Variants in LRBA observed in about 807,000 individuals in gnomAD.
LRBA encodes the protein LPS responsive beige-like anchor protein, also known as lipopolysaccharide-responsive and beige-like anchor protein.
Under a neutral mutation model 330.0 loss-of-function variants are expected in LRBA, and 176 were observed. The observed-to-expected ratio is 0.53, with a 90% CI of 0.47 to 0.60. The LOEUF (loss-of-function observed/expected upper bound fraction) is 0.60, where lower values mean the gene tolerates loss of function less well. LRBA is among the 20% of genes least tolerant of loss of function. The probability of loss-of-function intolerance (pLI) is 0.00; values close to 1 mark genes in which losing one functional copy is unlikely to be tolerated. For missense variants in LRBA, 3,259 were observed against 3,444.8 expected (o/e 0.95, Z 1.35); for synonymous variants, 1,230 against 1,193.0 (o/e 1.03, Z -0.64).
chr4:150,854,181 C>T (rs2126929635), intron 22 of LRBA, among the ~76,000 whole-genome samples: 1 of 152,222 alleles, frequency 6.6e-6, no homozygotes, highest in South Asian at 2.1e-4. Flanking sequence ...TAAAAATGTT[C>T]AGGGAATGAA....
intron 56 of LRBA, among the ~76,000 whole-genome samples, chr4:150,268,021 T>C (rs548465471): frequency 3.3e-5 from 5 of 149,626 alleles, no homozygotes; most frequent in Admixed American, 6.8e-5. Flanking sequence ...GATTGCACCA[T>C]TGCACTCCAG....
intron 22 of LRBA, among the ~76,000 whole-genome samples, chr4:150,864,495 C>T (rs1279959462): frequency 6.6e-6 from 1 of 152,052 alleles, no homozygotes; most frequent in African/African-American, 2.4e-5. Flanking sequence ...TCATAGAAGA[C>T]AACTGCATTC....
chr4:150,351,160 G>A (rs1453229823), intron 47 of LRBA, among the ~76,000 whole-genome samples: 1 of 152,112 alleles, frequency 6.6e-6, no homozygotes, highest in Non-Finnish European at 1.5e-5. Flanking sequence ...CCAGCTACAA[G>A]CGTTGTGCCT....
intron 40 of LRBA, among the ~76,000 whole-genome samples, chr4:150,505,225 A>G (rs1044390596): frequency 2.6e-5 from 4 of 152,196 alleles, no homozygotes; most frequent in Non-Finnish European, 4.4e-5. Context: ...TGCACCAAGC[A>G]GACCTAATAG....
intron 46 of LRBA, among the ~76,000 whole-genome samples, chr4:150,423,876 G>A (rs955551908): frequency 3.9e-5 from 6 of 152,184 alleles, no homozygotes; most frequent in African/African-American, 1.4e-4. Context: ...ATCAGTAATA[G>A]AGAAAGAATA....
chr4:150,535,353 G>T (rs1764534808), intron 40 of LRBA, among the ~76,000 whole-genome samples: 2 of 152,094 alleles, frequency 1.3e-5, no homozygotes, highest in Non-Finnish European at 2.9e-5. Flanking sequence ...GCCTAGGCTG[G>T]TCCCTAATTC....
chr4:150,991,126 C>T (rs74736769), intron 2 of LRBA, among the ~76,000 whole-genome samples: 6 of 150,332 alleles, frequency 4.0e-5, no homozygotes, highest in East Asian at 1.9e-4. Flanking sequence ...GAAGAGGAAG[C>T]GTAAGAAGAA....
At chr4:150,545,988 TC>T (rs1012809076) in intron 40 of LRBA, among the ~76,000 whole-genome samples, 4 of 152,206 alleles carry the variant, frequency 2.6e-5, no homozygotes, top group South Asian at 2.1e-4. Context: ...ACAGGTATAG[TC>T]ACAAAGAGCA....
chr4:150,338,966 T>TGCAC (rs35877513), intron 48 of LRBA, among the ~76,000 whole-genome samples: 2 of 148,618 alleles, frequency 1.3e-5, no homozygotes, highest in Non-Finnish European at 3.0e-5. Context: ...TATTTAATTA[T>TGCAC]ACACACACAC....
At position 150,828,249 on chromosome 4, in the gene LRBA, G is replaced by A. The variant is rs762799564; in HGVS notation, c.5102C>T (p.Pro1701Leu). ...DGVTVDPALL[P>L]PACLGALGDL... ...ACCAAGGGCTCCAAGGCAGGCTGGTGGCAGAAGGGCAGGATCCACTGTGAC... is the reference window on the plus strand; with the variant it reads ...ACCAAGGGCTCCAAGGCAGGCTGGTAGCAGAAGGGCAGGATCCACTGTGAC... The change falls in exon 30 of 57, where the codon CCA (proline) becomes CTA (leucine). Residue 1701 changes from proline (P) to leucine (L), a missense_variant. Pro to Leu is a moderately conservative substitution (Grantham distance 98, BLOSUM62 -3). Coordinates refer to ENST00000651943, the MANE Select transcript of LRBA (RefSeq NM_001364905.1). 5 of 1,614,138 alleles carry A rather than the reference G, an allele frequency of 3.1e-6. No homozygotes were observed. Among genetic ancestry groups the A allele is most frequent in the Non-Finnish European group, 4.2e-6 (5 of 1,180,010 alleles).
intron 41 of LRBA, among the ~76,000 whole-genome samples, chr4:150,489,091 G>A (rs1333312132): frequency 1.8e-4 from 4 of 22,162 alleles, no homozygotes; most frequent in Admixed American, 1.4e-3. Context: ...TATTATATAA[G>A]AATATACAAT....
chr4:150,574,147 T>C (rs1473525540), intron 40 of LRBA, among the ~76,000 whole-genome samples: 1 of 152,138 alleles, frequency 6.6e-6, no homozygotes, highest in African/African-American at 2.4e-5. Flanking sequence ...TTTTGTTTTA[T>C]AATTTTATGA....
chr4:150,658,176 A>C (rs1203693721), intron 37 of LRBA, among the ~76,000 whole-genome samples: 6 of 76,982 alleles, frequency 7.8e-5, no homozygotes, highest in African/African-American at 1.7e-4. Context: ...TTGAATTCTA[A>C]AAAAGTTTGA....
chr4:150,723,750 T>TACATG (rs1729268053), intron 36 of LRBA, among the ~76,000 whole-genome samples: 1 of 152,224 alleles, frequency 6.6e-6, no homozygotes, highest in East Asian at 1.9e-4. Flanking sequence ...AGCAATAAGC[T>TACATG]GGCTCTTGGG....
chr4:150,565,311 G>C (rs564298134), intron 40 of LRBA, among the ~76,000 whole-genome samples: 1 of 152,208 alleles, frequency 6.6e-6, no homozygotes, highest in South Asian at 2.1e-4. Flanking sequence ...CATGGACACA[G>C]GGAAGGGAAC....
chr4:150,381,858 T>C (rs115002043), intron 47 of LRBA, among the ~76,000 whole-genome samples: 249 of 152,322 alleles, frequency 1.6e-3, no homozygotes, highest in African/African-American at 5.6e-3. Context: ...TGCTAGTGGT[T>C]GTGAAGTGGT....
intron 44 of LRBA, among the ~76,000 whole-genome samples, chr4:150,461,352 C>G (rs1428495349): frequency 6.6e-6 from 1 of 151,826 alleles, no homozygotes; most frequent in Non-Finnish European, 1.5e-5. Flanking sequence ...CACACATGTA[C>G]ATACACTCAA....
intron 31 of LRBA, 27 bp downstream of exon 31, chr4:150,817,097 T>G: frequency 6.2e-7 from 1 of 1,601,994 alleles, no homozygotes; most frequent in Non-Finnish European, 8.5e-7. Context: ...AAAACATTTT[T>G]GTTGAAATCA....
chr4:150,571,649 GTT>G (rs58652637), intron 40 of LRBA, among the ~76,000 whole-genome samples: 4,977 of 74,304 alleles, frequency 0.067, 42 homozygotes, highest in East Asian at 0.17. Context: ...CTGGTTAGTT[GTT>G]TTTTTTTTTT....
Sources: gnomAD v4.1 joint callset for allele counts (sites outside exome capture counted in the v4.1 genomes callset) on GRCh38, gnomAD v4.1.1 for gene constraint, MANE v1.5 for transcripts, NCBI Gene and HGNC (gene_info 2026-07-23, HGNC 2026-07-21) for gene names.